Variants in DYM observed in about 807,000 individuals in gnomAD.
DYM encodes dyggve-Melchior-Clausen syndrome protein.
DYM carries 78 observed loss-of-function variants against 93.1 expected under a neutral mutation model. The observed-to-expected ratio is 0.84, with a 90% CI of 0.70 to 1.01. DYM has a LOEUF of 1.01. Among genes scored for constraint, DYM ranks in the 50% least tolerant of loss-of-function variants. The pLI, the probability that DYM is intolerant of heterozygous loss-of-function variation, is 0.00. For missense variants in DYM, 789 were observed against 845.0 expected (o/e 0.93, Z 0.82); for synonymous variants, 321 against 319.7 (o/e 1.00, Z -0.04).
chr18:49,301,573 A>C (rs1351518893), intron 8 of DYM, among the ~76,000 whole-genome samples: 1 of 152,142 alleles, frequency 6.6e-6, no homozygotes, highest in Non-Finnish European at 1.5e-5. Context: ...CAGAAAAGAA[A>C]GTTACATGTA....
chr18:49,118,575 T>C (rs2082112009), intron 16 of DYM, 169 bp downstream of exon 16: 3 of 667,926 alleles, frequency 4.5e-6, no homozygotes, highest in South Asian at 3.5e-5. Context: ...TGTGTGTATA[T>C]ACAACACACA....
intron 17 of DYM, among the ~76,000 whole-genome samples, chr18:49,095,796 C>T (rs2079488704): frequency 6.6e-6 from 1 of 152,042 alleles, no homozygotes; most frequent in African/African-American, 2.4e-5. Flanking sequence ...ATTAACATTC[C>T]AGCACTTAGC....
rs936170374 is a variant in DYM at position 49,036,591 on chromosome 18, G to A, written c.*7464C>T. 6.6e-6 allele frequency among the ~76,000 whole-genome samples: 1 copy of A among 151,942 alleles called. No homozygotes were observed. The highest frequency in any genetic ancestry group is 2.4e-5 in the African/African-American group (1 of 41,344). Reference sequence around the variant, plus strand: ...TTGAGACACGGTCTCTCACTCCATTGCCCAGGCTGGAGTGTGGTGCCATGA... The same window carrying A: ...TTGAGACACGGTCTCTCACTCCATTACCCAGGCTGGAGTGTGGTGCCATGA... On this transcript the variant is annotated 3_prime_UTR_variant, in exon 18 of 18. Coordinates refer to ENST00000675505, the MANE Select transcript of DYM (RefSeq NM_001353214.3).
intron 3 of DYM, among the ~76,000 whole-genome samples, chr18:49,382,430 T>C (rs1415943967): frequency 6.6e-6 from 1 of 152,220 alleles, no homozygotes; most frequent in Admixed American, 6.5e-5. Context: ...TCAATGATTT[T>C]AAACAATACT....
chr18:49,345,095 A>C (rs994590034), intron 6 of DYM, among the ~76,000 whole-genome samples: 4 of 152,164 alleles, frequency 2.6e-5, no homozygotes, highest in Non-Finnish European at 4.4e-5. Context: ...AAAATAATCC[A>C]GATCAGGTAG....
chr18:49,419,950 C>T (rs2073454368), intron 2 of DYM, among the ~76,000 whole-genome samples: 1 of 152,180 alleles, frequency 6.6e-6, no homozygotes, highest in Non-Finnish European at 1.5e-5. Context: ...ATCACTATCA[C>T]ATGAGCAGCA....
chr18:49,432,735 C>G (rs941778091), intron 1 of DYM, among the ~76,000 whole-genome samples: 4 of 151,176 alleles, frequency 2.6e-5, no homozygotes, highest in African/African-American at 9.7e-5. Context: ...GCCTCAGCCT[C>G]CTAAGTAGCT....
At chr18:49,187,213 C>T (rs953346080) in intron 14 of DYM, among the ~76,000 whole-genome samples, 15 of 152,108 alleles carry the variant, frequency 9.9e-5, no homozygotes, top group Admixed American at 5.9e-4. Flanking sequence ...CCACTGCGCC[C>T]GGCCGCTGCT....
intron 13 of DYM, among the ~76,000 whole-genome samples, chr18:49,211,175 G>C (rs1332447036): frequency 6.6e-6 from 1 of 151,974 alleles, no homozygotes; most frequent in East Asian, 1.9e-4. Context: ...TATAATAGTG[G>C]GTGTATGATC....
At chr18:49,181,580 C>A (rs1455826342) in intron 14 of DYM, among the ~76,000 whole-genome samples, 1 of 152,078 alleles carries the variant, frequency 6.6e-6, no homozygotes, top group Non-Finnish European at 1.5e-5. Flanking sequence ...CCAAAATGCT[C>A]CAGTGAATGT....
At chr18:49,351,489 G>A (rs1599612813) in intron 6 of DYM, among the ~76,000 whole-genome samples, 2 of 151,792 alleles carry the variant, frequency 1.3e-5, no homozygotes, top group South Asian at 4.2e-4. Flanking sequence ...CTAATAAGCA[G>A]TTCCATCAAT....
chr18:49,101,159 T>C (rs1283414058), intron 16 of DYM, among the ~76,000 whole-genome samples: 1 of 152,232 alleles, frequency 6.6e-6, no homozygotes, highest in African/African-American at 2.4e-5. Flanking sequence ...TTAAAATAGA[T>C]GAACTTTTAT....
At chr18:49,384,631 A>AG (rs2147785693) in intron 3 of DYM, among the ~76,000 whole-genome samples, 1 of 151,634 alleles carries the variant, frequency 6.6e-6, no homozygotes, top group South Asian at 2.1e-4. Flanking sequence ...TCTCAAAAAA[A>AG]AAAAAAAAGA....
At chr18:49,411,012 T>C (rs1448987926) in intron 2 of DYM, among the ~76,000 whole-genome samples, 1 of 152,180 alleles carries the variant, frequency 6.6e-6, no homozygotes, top group African/African-American at 2.4e-5. Flanking sequence ...TCTTTCACCT[T>C]TATTATTTCA....
At chr18:49,281,651 T>C (rs2094981157) in intron 10 of DYM, among the ~76,000 whole-genome samples, 1 of 152,136 alleles carries the variant, frequency 6.6e-6, no homozygotes, top group East Asian at 1.9e-4. Context: ...GTGTCCTTTG[T>C]AGGGACATGG....
At chr18:49,364,073 C>A (rs900862825) in intron 5 of DYM, among the ~76,000 whole-genome samples, 3 of 152,152 alleles carry the variant, frequency 2.0e-5, no homozygotes, top group African/African-American at 4.8e-5. Context: ...GGCATGTTCC[C>A]CAGAGTTCCA....
intron 13 of DYM, among the ~76,000 whole-genome samples, chr18:49,242,905 T>G (rs1472273853): frequency 6.6e-6 from 1 of 152,126 alleles, no homozygotes; most frequent in Non-Finnish European, 1.5e-5. Context: ...TTTCACCGTA[T>G]TAGCCAGGAT....
chr18:49,098,041 T>C (rs140910759), intron 16 of DYM, among the ~76,000 whole-genome samples: 1 of 152,280 alleles, frequency 6.6e-6, no homozygotes, highest in East Asian at 1.9e-4. Context: ...TATAATTACT[T>C]TTGCTTCATG....
At chr18:49,360,366 T>C (rs1365659194) in intron 6 of DYM, among the ~76,000 whole-genome samples, 1 of 151,730 alleles carries the variant, frequency 6.6e-6, no homozygotes, top group Non-Finnish European at 1.5e-5. Flanking sequence ...GGCTCATGCC[T>C]GTAATCCCAG....
Sources: allele counts gnomAD v4.1 joint callset (sites outside exome capture counted in the v4.1 genomes callset), GRCh38; gene constraint gnomAD v4.1.1; transcripts MANE v1.5; gene names NCBI Gene and HGNC (gene_info 2026-07-23, HGNC 2026-07-21).